Variants in NPFFR2 observed in about 807,000 individuals in gnomAD.
The protein encoded by NPFFR2 is neuropeptide FF receptor 2, also known as G-protein coupled receptor 74.
NPFFR2 carries 15 observed loss-of-function variants against 13.1 expected under a neutral mutation model. The observed-to-expected ratio is 1.15, with a 90% confidence interval of 0.77 to 1.76. The LOEUF (loss-of-function observed/expected upper bound fraction) is 1.76, where lower values mean the gene tolerates loss of function less well. Ranked by LOEUF, NPFFR2 falls within the 40% of genes most tolerant of loss-of-function variation. The pLI is 0.00. For synonymous variants in NPFFR2, 190 were observed against 175.7 expected (o/e 1.08, Z -0.65); for missense variants, 572 against 503.5 (o/e 1.14, Z -1.30).
chr4:72,060,979 A>G (rs940282612), intron 1 of NPFFR2, among the ~76,000 whole-genome samples: 2 of 152,190 alleles, frequency 1.3e-5, no homozygotes, highest in African/African-American at 4.8e-5. Context: ...AGTCTCTTAA[A>G]GGAGAGTTTC....
At chr4:72,047,885 A>C (rs1446358920) in intron 1 of NPFFR2, among the ~76,000 whole-genome samples, 2 of 152,164 alleles carry the variant, frequency 1.3e-5, no homozygotes, top group African/African-American at 4.8e-5. Context: ...ACATATAGAC[A>C]TCAAAATATC....
chr4:72,116,949 C>A (rs879942871), intron 1 of NPFFR2, among the ~76,000 whole-genome samples: 1 of 152,094 alleles, frequency 6.6e-6, no homozygotes, highest in Non-Finnish European at 1.5e-5. Context: ...CTACCCCAAA[C>A]CTGCCTGTAT....
chr4:72,122,575 A>G (rs534719122), intron 1 of NPFFR2, among the ~76,000 whole-genome samples: 1 of 152,370 alleles, frequency 6.6e-6, no homozygotes, highest in Non-Finnish European at 1.5e-5. Context: ...GTGCAGTCAA[A>G]TTAGAACTCA....
At chr4:72,125,610 A>C (rs969976362) in intron 1 of NPFFR2, among the ~76,000 whole-genome samples, 1 of 152,204 alleles carries the variant, frequency 6.6e-6, no homozygotes, top group African/African-American at 2.4e-5. Flanking sequence ...AAGGCTCTAC[A>C]GAAGAATCTG....
At chr4:72,134,474 C>T (rs896519256) in intron 2 of NPFFR2, among the ~76,000 whole-genome samples, 1 of 151,218 alleles carries the variant, frequency 6.6e-6, no homozygotes, top group Non-Finnish European at 1.5e-5. Flanking sequence ...TCATACACTT[C>T]ACCTTCTCAC....
intron 1 of NPFFR2, among the ~76,000 whole-genome samples, chr4:72,084,073 C>A (rs1720703969): frequency 6.6e-6 from 1 of 152,136 alleles, no homozygotes; most frequent in Non-Finnish European, 1.5e-5. Flanking sequence ...ATGTAAACTA[C>A]TAGAATCACT....
At chr4:72,100,280 A>C (rs1438880504) in intron 1 of NPFFR2, among the ~76,000 whole-genome samples, 1 of 152,056 alleles carries the variant, frequency 6.6e-6, no homozygotes, top group Non-Finnish European at 1.5e-5. Flanking sequence ...TGTAAAAAAA[A>C]CTGTATAGGT....
chr4:72,081,804 G>C (rs1415974855), intron 1 of NPFFR2, among the ~76,000 whole-genome samples: 2 of 152,090 alleles, frequency 1.3e-5, no homozygotes, highest in African/African-American at 2.4e-5. Flanking sequence ...TTTAATAACT[G>C]TTAGTTCATC....
chr4:72,119,214 T>G (rs1721797913), intron 1 of NPFFR2, among the ~76,000 whole-genome samples: 1 of 152,282 alleles, frequency 6.6e-6, no homozygotes, highest in East Asian at 1.9e-4. Flanking sequence ...CAATAGATAA[T>G]GGAGCAAGTC....
chr4:72,080,871 C>A (rs1720598234), intron 1 of NPFFR2, among the ~76,000 whole-genome samples: 1 of 147,294 alleles, frequency 6.8e-6, no homozygotes, highest in African/African-American at 2.7e-5. Flanking sequence ...TCCACCAGCT[C>A]TTCTTCCCAA....
intron 1 of NPFFR2, among the ~76,000 whole-genome samples, chr4:72,095,855 G>C (rs2109805628): frequency 6.6e-6 from 1 of 152,288 alleles, no homozygotes; most frequent in East Asian, 1.9e-4. Flanking sequence ...CTGCTCCGTA[G>C]CCTCAAAACT....
chr4:72,121,586 G>A (rs1325680871), intron 1 of NPFFR2, among the ~76,000 whole-genome samples: 1 of 152,134 alleles, frequency 6.6e-6, no homozygotes, highest in Non-Finnish European at 1.5e-5. Flanking sequence ...AAGAGAGTAG[G>A]GGCCAATATT....
chr4:72,104,660 G>A (rs1721363276), intron 1 of NPFFR2, among the ~76,000 whole-genome samples: 1 of 151,852 alleles, frequency 6.6e-6, no homozygotes, highest in African/African-American at 2.4e-5. Context: ...TTCTACCCCT[G>A]GTACTTTCCT....
chr4:72,124,964 C>G (rs1721993864), intron 1 of NPFFR2, among the ~76,000 whole-genome samples: 1 of 152,140 alleles, frequency 6.6e-6, no homozygotes, highest in South Asian at 2.1e-4. Flanking sequence ...GCAAAAGAAA[C>G]TATCATCAGA....
At chr4:72,095,382 C>T (rs1160074845) in intron 1 of NPFFR2, among the ~76,000 whole-genome samples, 4 of 152,110 alleles carry the variant, frequency 2.6e-5, no homozygotes, top group African/African-American at 7.2e-5. Context: ...AGACTACACT[C>T]AGAGGCTCTT....
chr4:72,128,425 C>T (rs1722132814), intron 1 of NPFFR2, among the ~76,000 whole-genome samples, 160 bp from the exon 2 acceptor site: 2 of 151,998 alleles, frequency 1.3e-5, no homozygotes, highest in Admixed American at 1.3e-4. Context: ...ATTTCAGTGC[C>T]TTATTTATAA....
chr4:72,089,114 A>C (rs922718815), intron 1 of NPFFR2, among the ~76,000 whole-genome samples: 4 of 152,090 alleles, frequency 2.6e-5, no homozygotes, highest in African/African-American at 9.7e-5. Context: ...ACTTCACTTA[A>C]AATAATGGTT....
At chr4:72,137,249 AAAAT>A (rs1313067077) in intron 2 of NPFFR2, among the ~76,000 whole-genome samples, 1 of 152,198 alleles carries the variant, frequency 6.6e-6, no homozygotes, top group East Asian at 1.9e-4. Flanking sequence ...AAAAATTAAA[AAAAT>A]AAATTTCAAA....
chr4:72,065,848 C>T (rs1042239491), intron 1 of NPFFR2, among the ~76,000 whole-genome samples: 43 of 152,136 alleles, frequency 2.8e-4, no homozygotes, highest in African/African-American at 7.7e-4. Flanking sequence ...CTCATCCTTG[C>T]GATGCCCTTA....
Sources: allele counts gnomAD v4.1 joint callset (sites outside exome capture counted in the v4.1 genomes callset), GRCh38; gene constraint gnomAD v4.1.1; transcripts MANE v1.5; gene names NCBI Gene and HGNC (gene_info 2026-07-23, HGNC 2026-07-21).